The following CNTN5 variants were observed in gnomAD, a reference collection of about 807,000 sequenced individuals.
The protein encoded by CNTN5 is contactin 5.
In CNTN5, 77 loss-of-function variants were observed where a neutral mutation model predicts 129.1. The observed-to-expected ratio is 0.60, with a 90% CI of 0.50 to 0.72. The LOEUF (loss-of-function observed/expected upper bound fraction) is 0.72. Among genes scored for constraint, CNTN5 ranks in the 30% least tolerant of loss-of-function variants. The pLI is 0.00. For synonymous variants in CNTN5, 509 were observed against 465.6 expected (o/e 1.09, Z -1.20); for missense variants, 1,478 against 1,328.8 (o/e 1.11, Z -1.75).
At chr11:100,207,472 T>A (rs1367629759) in intron 15 of CNTN5, among the ~76,000 whole-genome samples, 1 of 152,142 alleles carries the variant, frequency 6.6e-6, no homozygotes, top group African/African-American at 2.4e-5. Context: ...TTAGATTGCT[T>A]TACCAGTGAA....
chr11:100,260,169 CTT>C (rs1182668639), intron 17 of CNTN5, among the ~76,000 whole-genome samples: 1 of 152,192 alleles, frequency 6.6e-6, no homozygotes, highest in Non-Finnish European at 1.5e-5. Flanking sequence ...GTAAACACCT[CTT>C]TGCAAATAAA....
intron 3 of CNTN5, among the ~76,000 whole-genome samples, chr11:99,738,117 C>G (rs1394425680): frequency 2.0e-5 from 3 of 152,100 alleles, no homozygotes; most frequent in Non-Finnish European, 2.9e-5. Flanking sequence ...TGAATTATGC[C>G]TCCCGACTTC....
chr11:99,821,921 G>A (rs1251452169), intron 4 of CNTN5, among the ~76,000 whole-genome samples: 1 of 152,110 alleles, frequency 6.6e-6, no homozygotes, highest in East Asian at 1.9e-4. Context: ...AAGGAAGAAT[G>A]GATAATCTGA....
intron 13 of CNTN5, among the ~76,000 whole-genome samples, chr11:100,140,905 C>T (rs1430419675): frequency 1.3e-5 from 2 of 152,058 alleles, no homozygotes; most frequent in African/African-American, 4.8e-5. Context: ...ATGAGATGTT[C>T]TGGAAAGGGC....
intron 8 of CNTN5, among the ~76,000 whole-genome samples, chr11:99,998,980 C>T (rs889392815): frequency 9.2e-5 from 14 of 151,964 alleles, no homozygotes; most frequent in African/African-American, 3.4e-4. Context: ...TGGATCCCTT[C>T]CTTACACCTT....
intron 21 of CNTN5, among the ~76,000 whole-genome samples, chr11:100,319,342 C>T (rs763531523): frequency 3.3e-5 from 5 of 151,692 alleles, no homozygotes; most frequent in Non-Finnish European, 7.4e-5. Context: ...TAGTAGGGAT[C>T]GGGTTTCACC....
chr11:99,510,255 G>C (rs1946784677), intron 2 of CNTN5, among the ~76,000 whole-genome samples: 1 of 152,026 alleles, frequency 6.6e-6, no homozygotes, highest in Admixed American at 6.6e-5. Context: ...GAAACAATGA[G>C]ACCTTTGTTA....
At position 99,422,165 on chromosome 11, in the gene CNTN5, GTTTAA is replaced by G. The variant is rs531589932; in HGVS notation, c.-71+96685_-71+96689del. ...TTGAAAGGAGAACAAGAAAGAAGAG[GTTTAA>G]TTTGTTTTTAACATTTAACTGTTCA... On this transcript the variant is annotated intron_variant, in intron 2 of 24. Transcript: ENST00000524871. 1.2e-3 allele frequency among the ~76,000 whole-genome samples: 178 copies of G among 152,122 alleles called. 1 individual carries two copies. Among genetic ancestry groups the G allele is most frequent in the Admixed American group, 2.6e-3 (40 of 15,280 alleles).
chr11:99,329,283 G>T (rs1865909544), intron 2 of CNTN5, among the ~76,000 whole-genome samples: 1 of 152,118 alleles, frequency 6.6e-6, no homozygotes, highest in Admixed American at 6.6e-5. Flanking sequence ...GGCATCCACA[G>T]GTTGAAAACA....
At chr11:99,523,663 TCAGAA>T (rs143876090) in intron 2 of CNTN5, among the ~76,000 whole-genome samples, 31,173 of 132,840 alleles carry the variant, frequency 0.23, 3,780 homozygotes, top group Middle Eastern at 0.29. Flanking sequence ...ACAGAACAGA[TCAGAA>T]CAGAACAGAA....
At chr11:100,138,647 G>A (rs768731186) in intron 13 of CNTN5, among the ~76,000 whole-genome samples, 2 of 152,018 alleles carry the variant, frequency 1.3e-5, no homozygotes, top group African/African-American at 4.8e-5. Flanking sequence ...TACAGAGCTC[G>A]TAGGAGGACA....
At chr11:99,314,637 G>T (rs557250194) in intron 1 of CNTN5, among the ~76,000 whole-genome samples, 1 of 152,072 alleles carries the variant, frequency 6.6e-6, no homozygotes, top group East Asian at 1.9e-4. Flanking sequence ...CAGAGGAATG[G>T]GTTAATACAA....
chr11:99,325,295 T>A (rs1248503244), intron 1 of CNTN5, 51 bp from the exon 2 acceptor site: 1 of 132,628 alleles, frequency 7.5e-6, no homozygotes, highest in Non-Finnish European at 1.6e-5. Context: ...TCAAGCAAAG[T>A]TGAAAAAAAG....
intron 6 of CNTN5, among the ~76,000 whole-genome samples, chr11:99,862,200 A>G (rs1351268693): frequency 6.6e-6 from 1 of 152,130 alleles, no homozygotes; most frequent in Non-Finnish European, 1.5e-5. Context: ...ACTTCCTTTC[A>G]TGTTGCTAAA....
chr11:100,036,612 C>T (rs1942027890), intron 9 of CNTN5, among the ~76,000 whole-genome samples: 1 of 149,416 alleles, frequency 6.7e-6, no homozygotes, highest in Non-Finnish European at 1.5e-5. Context: ...AAGGAATGTT[C>T]TTCCATTTGT....
At chr11:99,482,787 T>C (rs1007317910) in intron 2 of CNTN5, among the ~76,000 whole-genome samples, 5 of 152,114 alleles carry the variant, frequency 3.3e-5, no homozygotes, top group Admixed American at 3.3e-4. Flanking sequence ...AAATAATTAA[T>C]ACCCGGAACT....
At chr11:99,985,763 G>A (rs369351377) in intron 8 of CNTN5, among the ~76,000 whole-genome samples, 5 of 152,038 alleles carry the variant, frequency 3.3e-5, no homozygotes, top group African/African-American at 9.7e-5. Flanking sequence ...GTAATCATCC[G>A]TCTTTTAATA....
At chr11:99,260,139 T>C (rs150528883) in intron 1 of CNTN5, among the ~76,000 whole-genome samples, 61 of 151,946 alleles carry the variant, frequency 4.0e-4, no homozygotes, top group African/African-American at 1.3e-3. Context: ...GGCTATCTTT[T>C]TGTAACATCT....
intron 6 of CNTN5, among the ~76,000 whole-genome samples, chr11:99,913,252 T>A (rs528565954): frequency 6.6e-6 from 1 of 152,096 alleles, no homozygotes; most frequent in South Asian, 2.1e-4. Flanking sequence ...CTAACCACCA[T>A]CCCCATCAAC....
Sources: gnomAD v4.1 joint callset for allele counts (sites outside exome capture counted in the v4.1 genomes callset) on GRCh38, gnomAD v4.1.1 for gene constraint, MANE v1.5 for transcripts, NCBI Gene and HGNC (gene_info 2026-07-23, HGNC 2026-07-21) for gene names.